SRBD1: variants seen among roughly 807,000 people sequenced by gnomAD.
SRBD1 encodes S1 RNA-binding domain-containing protein 1.
In SRBD1, 88 loss-of-function variants were observed where a neutral mutation model predicts 115.3. That is an observed-to-expected ratio of 0.76 (90% CI 0.64 to 0.91). The LOEUF (loss-of-function observed/expected upper bound fraction) is 0.91. Ranked by LOEUF, SRBD1 falls within the 40% of genes least tolerant of loss-of-function variation. The pLI, the probability that SRBD1 is intolerant of heterozygous loss-of-function variation, is 0.00. For missense variants in SRBD1, 1,385 were observed against 1,177.4 expected (o/e 1.18, Z -2.58); for synonymous variants, 509 against 407.7 (o/e 1.25, Z -2.99).
chr2:45,521,286 AACACACACACACACACACACAC>A (rs71394840), intron 14 of SRBD1, among the ~76,000 whole-genome samples: 2 of 146,330 alleles, frequency 1.4e-5, no homozygotes, highest in Non-Finnish European at 3.0e-5. Context: ...CAAAAAGGAA[AACACACACACACACACACACAC>A]ACACACACAC....
chr2:45,502,002 C>T (rs1490678836), intron 14 of SRBD1, among the ~76,000 whole-genome samples: 4 of 152,158 alleles, frequency 2.6e-5, no homozygotes, highest in Non-Finnish European at 5.9e-5. Context: ...TCAAGTGGGT[C>T]CCTGACCTCC....
At chr2:45,566,068 T>C in intron 9 of SRBD1, among the ~76,000 whole-genome samples, 1 of 152,326 alleles carries the variant, frequency 6.6e-6, no homozygotes, top group East Asian at 1.9e-4. Flanking sequence ...CAATAAATGT[T>C]GGGAGGGATG....
intron 11 of SRBD1, among the ~76,000 whole-genome samples, chr2:45,552,739 A>C (rs1437634482): frequency 1.3e-5 from 2 of 152,222 alleles, no homozygotes; most frequent in African/African-American, 2.4e-5. Context: ...TCTAGGCTAA[A>C]ATGGATGTAA....
rs1034601572 is a variant in SRBD1, at chr2:45,585,657, G to T, written c.766C>A (p.Leu256Ile). The T allele has an allele frequency of 6.2e-7, 1 of 1,612,272 alleles. No homozygotes were observed. The highest frequency in any genetic ancestry group is 1.7e-5 in the Admixed American group (1 of 59,654). The part of the protein sequence containing the change: ...IRYRKELINN[L>I]DADSLREVQQ... The stretch of plus-strand genomic sequence containing the variant: ...ACTTCTCTCAAGGAATCAGCATCAA[G>T]GTTATTAATGAGCTCTTTTCTATAA... Residue 256 changes from leucine to isoleucine, a missense_variant, in exon 5 of 21, where the codon CTT (leucine) becomes ATT (isoleucine). Coordinates refer to ENST00000263736, the MANE Select transcript of SRBD1 (RefSeq NM_018079.5).
chr2:45,412,341 T>C (rs1667628816), intron 19 of SRBD1, among the ~76,000 whole-genome samples: 1 of 152,154 alleles, frequency 6.6e-6, no homozygotes, highest in Non-Finnish European at 1.5e-5. Flanking sequence ...TTTTTACTTC[T>C]TTTTTCTAAG....
intron 14 of SRBD1, among the ~76,000 whole-genome samples, chr2:45,536,902 G>A (rs1387939260): frequency 6.6e-6 from 1 of 152,140 alleles, no homozygotes; most frequent in Non-Finnish European, 1.5e-5. Context: ...ATAGAGCAAT[G>A]TTCCTCAAAC....
At chr2:45,557,655 A>G (rs1472141365) in intron 10 of SRBD1, among the ~76,000 whole-genome samples, 1 of 152,176 alleles carries the variant, frequency 6.6e-6, no homozygotes, top group South Asian at 2.1e-4. Flanking sequence ...CACCAAAACA[A>G]TTCCTGCCCT....
chr2:45,505,071 A>C (rs1347318117), intron 14 of SRBD1, among the ~76,000 whole-genome samples: 1 of 152,162 alleles, frequency 6.6e-6, no homozygotes, highest in Non-Finnish European at 1.5e-5. Context: ...CTTCTACACA[A>C]AACCTGTGGT....
At position 45,389,289 on chromosome 2, in the gene SRBD1, C is replaced by A. The variant is rs779476004; in HGVS notation, c.*21G>T. ...TGTGGAAATGAGAAAATAAAATCAG[C>A]GTCTGGCCTTCGTGGGATACTCATA... On this transcript the variant is annotated 3_prime_UTR_variant, in exon 21 of 21. Coordinates refer to ENST00000263736, the MANE Select transcript of SRBD1 (RefSeq NM_018079.5). 5 of 1,602,976 alleles carry A rather than the reference C, an allele frequency of 3.1e-6. No homozygotes were observed. Among genetic ancestry groups the A allele is most frequent in the Non-Finnish European group, 4.3e-6 (5 of 1,172,936 alleles).
chr2:45,579,297 T>G (rs558684022), intron 7 of SRBD1, among the ~76,000 whole-genome samples: 2 of 152,312 alleles, frequency 1.3e-5, no homozygotes, highest in African/African-American at 4.8e-5. Flanking sequence ...ACACTTTACT[T>G]CTACAGTAGA....
chr2:45,522,661 C>G (rs1166600802), intron 14 of SRBD1, among the ~76,000 whole-genome samples: 1 of 152,200 alleles, frequency 6.6e-6, no homozygotes, highest in Non-Finnish European at 1.5e-5. Context: ...CCAACTCCTC[C>G]TCTTCCTTTT....
intron 14 of SRBD1, among the ~76,000 whole-genome samples, chr2:45,515,041 G>A (rs1671077609): frequency 6.6e-6 from 1 of 152,060 alleles, no homozygotes; most frequent in Non-Finnish European, 1.5e-5. Context: ...ATAACACTGA[G>A]CAATATGACT....
intron 11 of SRBD1, among the ~76,000 whole-genome samples, chr2:45,552,374 T>G (rs1429534931): frequency 6.6e-6 from 1 of 152,208 alleles, no homozygotes; most frequent in Non-Finnish European, 1.5e-5. Context: ...AAAGAGAAAG[T>G]ACTCTTGCTT....
intron 14 of SRBD1, among the ~76,000 whole-genome samples, chr2:45,503,398 C>A (rs545803217): frequency 1.3e-5 from 2 of 152,112 alleles, no homozygotes; most frequent in Non-Finnish European, 2.9e-5. Context: ...CTTTTGACAT[C>A]CTACTTATGA....
chr2:45,401,519 C>T lies in SRBD1; in HGVS notation c.2514-8390G>A, dbSNP rs561563943. Among the ~76,000 whole-genome samples the T allele has an allele frequency of 5.5e-4, 84 of 152,316 alleles. 1 individual carries two copies. Among genetic ancestry groups the T allele is most frequent in the South Asian group, 3.5e-3 (17 of 4,830 alleles). On this transcript the variant is annotated intron_variant, in intron 19 of 20. Coordinates refer to ENST00000263736, the MANE Select transcript of SRBD1 (RefSeq NM_018079.5). ...AATTCTTATAAGGCAAGTCCAAGTTCAGAAAACTTCGGGCTTTTTCAAATT... is the reference window on the plus strand; with the variant it reads ...AATTCTTATAAGGCAAGTCCAAGTTTAGAAAACTTCGGGCTTTTTCAAATT...
intron 19 of SRBD1, among the ~76,000 whole-genome samples, chr2:45,394,208 T>C (rs1267288504): frequency 6.6e-6 from 1 of 152,200 alleles, no homozygotes; most frequent in African/African-American, 2.4e-5. Context: ...TCTTTTACTA[T>C]GTTTACCATT....
chr2:45,540,946 C>T (rs1377994687), intron 14 of SRBD1, among the ~76,000 whole-genome samples: 2 of 152,234 alleles, frequency 1.3e-5, no homozygotes, highest in Non-Finnish European at 2.9e-5. Context: ...GTCACTTTTC[C>T]AGCCAGACAC....
chr2:45,474,105 T>C (rs915882528), intron 16 of SRBD1, among the ~76,000 whole-genome samples: 1 of 152,358 alleles, frequency 6.6e-6, no homozygotes, highest in Non-Finnish European at 1.5e-5. Flanking sequence ...TCTAAGATAT[T>C]TGATTGGTTT....
intron 16 of SRBD1, among the ~76,000 whole-genome samples, chr2:45,430,670 A>C (rs967759776): frequency 2.0e-5 from 3 of 152,246 alleles, no homozygotes; most frequent in African/African-American, 7.2e-5. Context: ...CTTAAACATA[A>C]GACCTAAAAC....
Sources: allele counts gnomAD v4.1 joint callset (sites outside exome capture counted in the v4.1 genomes callset), GRCh38; gene constraint gnomAD v4.1.1; transcripts MANE v1.5; gene names NCBI Gene and HGNC (gene_info 2026-07-23, HGNC 2026-07-21).